MOV10: variants seen among roughly 807,000 people sequenced by gnomAD.
MOV10 encodes RNA helicase MOV-10.
A neutral mutation model predicts 108.4 loss-of-function variants in MOV10; 39 were observed. The ratio of observed to expected loss-of-function variants is 0.36; its 90% CI spans 0.28 to 0.47. MOV10 has a LOEUF of 0.47. Ranked by LOEUF, MOV10 falls within the 20% of genes least tolerant of loss-of-function variation. MOV10 has a pLI of 1.00. For synonymous variants in MOV10, 490 were observed against 523.1 expected, an observed-to-expected ratio of 0.94 and a Z score of 0.86; for missense variants, 952 against 1,297.6, an observed-to-expected ratio of 0.73 and a Z score of 4.09.
intron 5 of MOV10, among the ~76,000 whole-genome samples, chr1:112,691,234 G>A (rs1468587324): frequency 1.3e-5 from 2 of 152,078 alleles, no homozygotes; most frequent in East Asian, 3.8e-4. Flanking sequence ...GCAGTGAGCC[G>A]AGATTGCGCC....
chr1:112,692,778 C>A lies in MOV10; in HGVS notation c.989C>A (p.Ala330Asp). 1 of 1,614,032 alleles carries A rather than the reference C, an allele frequency of 6.2e-7. No individual in the cohort carries two copies. The highest frequency in any genetic ancestry group is 8.5e-7 in the Non-Finnish European group (1 of 1,180,028). The change falls in exon 7 of 21, where the codon GCC (alanine) becomes GAC (aspartate). Residue 330 changes from alanine (A) to aspartate (D), a missense_variant. Ala to Asp is a moderately radical substitution (Grantham distance 126). Coordinates refer to ENST00000369645, the MANE Select transcript of MOV10 (RefSeq NM_001321324.2). ...ATTTCCAGGGCCCAGCTGGAGACAG[C>A]CCTGAAGTGGAGGAACTATGAGGTG... is the stretch of plus-strand genomic sequence containing the variant. ...IAEIKAQLET[A>D]LKWRNYEVKL... is the part of the protein sequence containing the mutation.
Position 112,689,596 on chromosome 1 carries a change from C to G in MOV10, c.523C>G (p.Pro175Ala), listed in dbSNP as rs146126921. Reference protein sequence around the residue: ...LTHLFPLCRTPQFAFYNEDQE... With the variant: ...LTHLFPLCRTAQFAFYNEDQE... ...TCACCTCTTCCCACTCTGCCGGACA[C>G]CCCAGTTTGCTTTCTACAATGAAGA... The change falls in exon 4 of 21, where the codon CCC becomes GCC. Residue 175 changes from proline to alanine, a missense_variant. Coordinates refer to ENST00000369645, the MANE Select transcript of MOV10 (RefSeq NM_001321324.2). The G allele has an allele frequency of 2.1e-5, 34 of 1,614,224 alleles. No individual in the cohort carries two copies. In the African/African-American group the frequency reaches 4.3e-4, roughly 20 times the overall value.
intron 10 of MOV10, 139 bp downstream of exon 10, chr1:112,695,035 T>C: frequency 9.3e-7 from 1 of 1,076,762 alleles, no homozygotes; most frequent in Non-Finnish European, 1.3e-6. Flanking sequence ...AGGGGCCGGG[T>C]GCAGTGGCTC....
chr1:112,676,651 T>C (rs1672219975), intron 2 of MOV10, among the ~76,000 whole-genome samples: 1 of 152,188 alleles, frequency 6.6e-6, no homozygotes, highest in African/African-American at 2.4e-5. Context: ...TTTGCTCACC[T>C]GACCTAACAA....
chr1:112,689,385 C>CCCCCGGG, intron 3 of MOV10, 30 bp from the exon 4 acceptor site: 1 of 1,182,978 alleles, frequency 8.5e-7, no homozygotes, highest in Non-Finnish European at 1.3e-6. Context: ...GCTCCCACCC[C>CCCCCGGG]AACCCCCCCT....
chr1:112,685,766 G>T (rs369173996), intron 2 of MOV10, among the ~76,000 whole-genome samples: 24 of 152,224 alleles, frequency 1.6e-4, no homozygotes, highest in Non-Finnish European at 2.6e-4. Flanking sequence ...TAATAAGTTT[G>T]TGATTTTTTA....
At chr1:112,679,373 A>G (rs556047352) in intron 2 of MOV10, among the ~76,000 whole-genome samples, 1 of 152,154 alleles carries the variant, frequency 6.6e-6, no homozygotes, top group Non-Finnish European at 1.5e-5. Flanking sequence ...ATGGGATGAT[A>G]ATAATTACTA....
At chr1:112,687,120 A>G (rs1673133979) in intron 2 of MOV10, 9 of 440,340 alleles carry the variant, frequency 2.0e-5, no homozygotes, top group Admixed American at 1.9e-4. Flanking sequence ...AGTTGTTACT[A>G]CTCCTACTAC....
At chr1:112,699,444 T>C in intron 17 of MOV10, 1 of 1,368,550 alleles carries the variant, frequency 7.3e-7, no homozygotes, top group African/African-American at 1.5e-5. Context: ...TGCAATGCTG[T>C]TTTCTTTCCT....
intron 7 of MOV10, 60 bp from the exon 8 acceptor site, chr1:112,693,958 G>A: frequency 1.9e-6 from 3 of 1,561,786 alleles, no homozygotes; most frequent in Non-Finnish European, 1.8e-6. Flanking sequence ...GGAACCTGGG[G>A]GCTGGGCCCT....
chr1:112,690,198 C>T (rs926203863), intron 5 of MOV10, 100 bp downstream of exon 5: 8 of 1,420,612 alleles, frequency 5.6e-6, no homozygotes, highest in Middle Eastern at 2.5e-4. Flanking sequence ...GAGCCCTTTT[C>T]CTACAGGCTC....
Position 112,695,602 on chromosome 1 carries a change from AATGGCAAATGCC to A in MOV10, c.1779+29_1779+40del, listed in dbSNP as rs1412896939. 4 of 1,606,910 alleles carry A rather than the reference AATGGCAAATGCC, an allele frequency of 2.5e-6. No homozygotes were observed. In the Admixed American group the frequency reaches 5.1e-5, roughly 20 times the overall value. ...ACTAGGGAAGTGCAGAGGGCCAAAG[AATGGCAAATGCC>A]GGGGAGGCTCTCAGGGCAGACACTG... On this transcript the variant is annotated intron_variant, in intron 11 of 20. Coordinates refer to ENST00000369645, the MANE Select transcript of MOV10 (RefSeq NM_001321324.2).
At chr1:112,684,838 A>G (rs1237735708) in intron 2 of MOV10, among the ~76,000 whole-genome samples, 2 of 152,074 alleles carry the variant, frequency 1.3e-5, no homozygotes, top group South Asian at 2.1e-4. Flanking sequence ...TGTTCTTTTA[A>G]TTGAATATTC....
chr1:112,694,694 G>A lies in MOV10; in HGVS notation c.1473-55G>A. On this transcript the variant is annotated intron_variant, in intron 9 of 20. Transcript: ENST00000369645. The surrounding 1 kb of genome is among the most constrained non-coding windows in gnomAD (Gnocchi z 4.1). ...TGTGGGCACAGGGGGTGGAGTCAGG[G>A]AGGCCTCTGGGTCACTGGATGACTT... 1 of 1,598,148 alleles carries A rather than the reference G, an allele frequency of 6.3e-7. No individual in the cohort carries two copies.
At chr1:112,695,780 C>G (rs967923837) in intron 11 of MOV10, among the ~76,000 whole-genome samples, 1 of 152,180 alleles carries the variant, frequency 6.6e-6, no homozygotes, top group African/African-American at 2.4e-5. Flanking sequence ...GTGGCTTACA[C>G]TTGTAATCCC....
intron 3 of MOV10, 21 bp from the exon 4 acceptor site, chr1:112,689,394 C>CG: frequency 2.0e-6 from 3 of 1,499,148 alleles, no homozygotes; most frequent in Non-Finnish European, 2.8e-6. Context: ...CCAACCCCCC[C>CG]TTGACTCCCC....
chr1:112,678,657 G>T (rs1422303415), intron 2 of MOV10, among the ~76,000 whole-genome samples: 1 of 152,066 alleles, frequency 6.6e-6, no homozygotes, highest in Non-Finnish European at 1.5e-5. Flanking sequence ...GGCAAGGGTA[G>T]AGTGTACAGG....
chr1:112,690,037 AC>A lies in MOV10; in HGVS notation c.778del (p.Arg260GlyfsTer8), dbSNP rs1243403648. On this transcript the variant is annotated frameshift_variant, in exon 5 of 21. Coordinates refer to ENST00000369645, the MANE Select transcript of MOV10 (RefSeq NM_001321324.2). LOFTEE classifies it high-confidence loss of function. ...QLKPMTPFKR[T>X]RITGNPVVTN... is the part of the protein sequence containing the mutation. The stretch of plus-strand genomic sequence containing the variant: ...GAAGCCCATGACTCCCTTCAAGCGG[AC>A]CCGGATCACCGGAAACCCTGTGGTG... The A allele has an allele frequency of 2.5e-6, 4 of 1,614,010 alleles. No individual in the cohort carries two copies. The highest frequency in any genetic ancestry group is 1.7e-5 in the Admixed American group (1 of 60,030).
intron 15 of MOV10, 77 bp from the exon 16 acceptor site, chr1:112,698,210 T>C (rs1208902635): frequency 1.9e-6 from 3 of 1,599,472 alleles, no homozygotes; most frequent in African/African-American, 2.7e-5. Flanking sequence ...GATCTCTTAC[T>C]CTCTGGAAGG....
Sources: allele counts gnomAD v4.1 joint callset (sites outside exome capture counted in the v4.1 genomes callset), GRCh38; gene constraint gnomAD v4.1.1; non-coding constraint Gnocchi (gnomAD v3.1); transcripts MANE v1.5; gene names NCBI Gene and HGNC (gene_info 2026-07-23, HGNC 2026-07-21).